The following EPC2 variants were observed in gnomAD, a reference collection of about 807,000 sequenced individuals.
EPC2 encodes the protein enhancer of polycomb 2, also known as enhancer of polycomb homolog 2.
Under a neutral mutation model 92.1 loss-of-function variants are expected in EPC2, and 14 were observed. The ratio of observed to expected loss-of-function variants is 0.15; its 90% CI spans 0.10 to 0.24. The LOEUF (loss-of-function observed/expected upper bound fraction) is 0.24, where lower values mean the gene tolerates loss of function less well. EPC2 is among the 10% of genes least tolerant of loss of function. The pLI is 1.00. For missense variants in EPC2, 755 were observed against 971.5 expected, an observed-to-expected ratio of 0.78 and a Z score of 2.96; for synonymous variants, 340 against 334.7, an observed-to-expected ratio of 1.02 and a Z score of -0.17.
intron 1 of EPC2, among the ~76,000 whole-genome samples, chr2:148,674,551 T>C (rs1291534593): frequency 6.6e-6 from 1 of 152,236 alleles, no homozygotes; most frequent in Admixed American, 6.5e-5. Context: ...ACAAAGTTGC[T>C]GAGCCCAATT....
chr2:148,656,024 TGGGGGGGGGG>T (rs71411354), intron 1 of EPC2, among the ~76,000 whole-genome samples: 6 of 111,716 alleles, frequency 5.4e-5, no homozygotes, highest in Non-Finnish European at 9.1e-5. Flanking sequence ...TGTGTGTGTG[TGGGGGGGGGG>T]GGGGTTATTC....
intron 2 of EPC2, among the ~76,000 whole-genome samples, chr2:148,742,844 A>T (rs114668381): frequency 0.025 from 3,794 of 151,960 alleles, 54 homozygotes; most frequent in East Asian, 0.031. Context: ...ACCAATTCAC[A>T]TCATTTGCCA....
intron 1 of EPC2, among the ~76,000 whole-genome samples, chr2:148,649,853 C>T (rs1315148667): frequency 6.6e-6 from 1 of 152,116 alleles, no homozygotes; most frequent in Non-Finnish European, 1.5e-5. Flanking sequence ...CTTTGGAAAC[C>T]TTAGAAGTTG....
intron 1 of EPC2, among the ~76,000 whole-genome samples, chr2:148,678,319 AG>A (rs1443737681): frequency 6.6e-6 from 1 of 152,218 alleles, no homozygotes; most frequent in African/African-American, 2.4e-5. Context: ...CACCAGACTC[AG>A]GAGCCCAGCT....
At chr2:148,731,409 AT>A (rs558626274) in intron 2 of EPC2, among the ~76,000 whole-genome samples, 15 of 150,116 alleles carry the variant, frequency 1.0e-4, no homozygotes, top group East Asian at 1.9e-4. Context: ...AATATTTAGG[AT>A]TTTTTTTTTG....
At chr2:148,766,295 A>T (rs1206122931) in intron 7 of EPC2, among the ~76,000 whole-genome samples, 1 of 152,226 alleles carries the variant, frequency 6.6e-6, no homozygotes, top group South Asian at 2.1e-4. Flanking sequence ...TGCTATAACC[A>T]TTTAAAATCT....
At chr2:148,742,776 C>A (rs537873297) in intron 2 of EPC2, among the ~76,000 whole-genome samples, 97 of 114,816 alleles carry the variant, frequency 8.4e-4, no homozygotes, top group African/African-American at 2.4e-3. Flanking sequence ...CAAAATGAGA[C>A]CTTGCCTCAA....
intron 1 of EPC2, among the ~76,000 whole-genome samples, chr2:148,687,829 A>C (rs1473597356): frequency 6.6e-6 from 1 of 152,058 alleles, no homozygotes; most frequent in Non-Finnish European, 1.5e-5. Flanking sequence ...TGCTTTCTTT[A>C]ACGGTAATTA....
At chr2:148,699,269 A>G (rs1452102103) in intron 2 of EPC2, among the ~76,000 whole-genome samples, 1 of 152,230 alleles carries the variant, frequency 6.6e-6, no homozygotes, top group Non-Finnish European at 1.5e-5. Flanking sequence ...AGTATCTTGT[A>G]TTAGTCAGTA....
intron 10 of EPC2, among the ~76,000 whole-genome samples, chr2:148,772,635 A>T (rs773932953): frequency 6.6e-6 from 1 of 152,166 alleles, no homozygotes; most frequent in Non-Finnish European, 1.5e-5. Context: ...CATTTATCCA[A>T]ATTGGTTGGT....
chr2:148,786,246 G>A, intron 13 of EPC2, 59 bp from the exon 14 acceptor site: 2 of 1,301,010 alleles, frequency 1.5e-6, no homozygotes, highest in East Asian at 2.5e-5. Flanking sequence ...ATACTAAATG[G>A]TAACGTCATG....
intron 1 of EPC2, among the ~76,000 whole-genome samples, chr2:148,654,352 G>A (rs1680747044): frequency 6.6e-6 from 1 of 152,134 alleles, no homozygotes; most frequent in African/African-American, 2.4e-5. Context: ...GAAGGTTGAT[G>A]GAAGAGTAAA....
intron 1 of EPC2, among the ~76,000 whole-genome samples, chr2:148,645,831 G>T (rs527396341): frequency 4.6e-5 from 7 of 152,170 alleles, no homozygotes; most frequent in African/African-American, 1.7e-4. Context: ...TGCCTGCTCC[G>T]CCTGGACGGC....
chr2:148,779,388 C>T (rs2105438941), intron 10 of EPC2, among the ~76,000 whole-genome samples: 1 of 152,252 alleles, frequency 6.6e-6, no homozygotes, highest in African/African-American at 2.4e-5. Context: ...TGGAGGCCAG[C>T]CTGGGCAATG....
chr2:148,748,319 C>G (rs1683025145), intron 3 of EPC2, among the ~76,000 whole-genome samples: 1 of 152,114 alleles, frequency 6.6e-6, no homozygotes, highest in South Asian at 2.1e-4. Context: ...AATTAAACCT[C>G]TTTTCTTTAT....
At chr2:148,664,426 A>G (rs1283968118) in intron 1 of EPC2, among the ~76,000 whole-genome samples, 1 of 152,170 alleles carries the variant, frequency 6.6e-6, no homozygotes, top group Non-Finnish European at 1.5e-5. Context: ...TGAGCCTTGG[A>G]GGTCAAGGCT....
intron 1 of EPC2, among the ~76,000 whole-genome samples, chr2:148,678,595 G>A (rs1357095885): frequency 6.6e-6 from 1 of 152,268 alleles, no homozygotes; most frequent in Non-Finnish European, 1.5e-5. Flanking sequence ...GCACTGGTGG[G>A]CTGGCACTGC....
intron 2 of EPC2, among the ~76,000 whole-genome samples, chr2:148,691,365 C>A (rs1475421998): frequency 6.6e-6 from 1 of 152,200 alleles, no homozygotes; most frequent in Non-Finnish European, 1.5e-5. Context: ...TCCGGCCTAG[C>A]TGAAGTATCC....
At chr2:148,707,553 C>G (rs894701146) in intron 2 of EPC2, among the ~76,000 whole-genome samples, 2 of 152,212 alleles carry the variant, frequency 1.3e-5, no homozygotes, top group Non-Finnish European at 1.5e-5. Flanking sequence ...ACATTCTTCT[C>G]AGCACCACAT....
Sources: gnomAD v4.1 joint callset for allele counts (sites outside exome capture counted in the v4.1 genomes callset) on GRCh38, gnomAD v4.1.1 for gene constraint, MANE v1.5 for transcripts, NCBI Gene and HGNC (gene_info 2026-07-23, HGNC 2026-07-21) for gene names.